Variants in MKLN1 observed in about 807,000 individuals in gnomAD.
MKLN1 encodes the protein muskelin 1, also known as muskelin.
A neutral mutation model predicts 99.0 loss-of-function variants in MKLN1; 18 were observed. That is an observed-to-expected ratio of 0.18 (90% CI 0.13 to 0.27). The LOEUF is 0.27. Among genes scored for constraint, MKLN1 ranks in the 10% least tolerant of loss-of-function variants. MKLN1 has a pLI of 1.00. For missense variants in MKLN1, 621 were observed against 875.9 expected (o/e 0.71, Z 3.67); for synonymous variants, 288 against 293.2 (o/e 0.98, Z 0.18).
intron 3 of MKLN1, among the ~76,000 whole-genome samples, chr7:131,272,631 GA>G (rs1797903439): frequency 6.6e-6 from 1 of 152,150 alleles, no homozygotes; most frequent in Non-Finnish European, 1.5e-5. Context: ...AGACTGGGAA[GA>G]AAAAGAGGTT....
intron 3 of MKLN1, among the ~76,000 whole-genome samples, chr7:131,304,155 C>T (rs1798420387): frequency 6.6e-6 from 1 of 152,166 alleles, no homozygotes; most frequent in African/African-American, 2.4e-5. Context: ...GGGAGGATCT[C>T]TTGAGGCCAG....
Position 131,132,983 on chromosome 7 carries a change from A to AAAGAAAGAAAGAAAG in MKLN1, c.-418-9836_-418-9835insAGAAAGAAAGAAAGA, listed in dbSNP as rs1554526897. Among the ~76,000 whole-genome samples, 120 of 137,266 alleles carry AAAGAAAGAAAGAAAG rather than the reference A, an allele frequency of 8.7e-4. 1 individual carries two copies. The highest frequency in any genetic ancestry group is 8.2e-4 in the Non-Finnish European group (52 of 63,426). 90.1% of individuals were successfully genotyped at this position (137,266 alleles called of 152,430 possible). ...AGAAAGAAAGAAAGAAAGAAAGAAA[A>AAAGAAAGAAAGAAAG]ACCAGAGCATGACTGTGCCTTGCAT... is the stretch of plus-strand genomic sequence containing the variant. On this transcript the variant is annotated intron_variant, in intron 1 of 7. Transcript: ENST00000416992.
At chr7:131,444,755 AGTAGAAGAAGTAGT>A (rs1795951841) in intron 11 of MKLN1, among the ~76,000 whole-genome samples, 9 of 79,356 alleles carry the variant, frequency 1.1e-4, no homozygotes, top group Non-Finnish European at 1.0e-4. Context: ...TAGTAGTAGT[AGTAGAAGAAGTAGT>A]AGTAGTAGTA....
At chr7:131,253,336 C>T (rs111757327) in intron 3 of MKLN1, among the ~76,000 whole-genome samples, 32 of 152,198 alleles carry the variant, frequency 2.1e-4, no homozygotes, top group African/African-American at 7.7e-4. Flanking sequence ...ACATTATCTC[C>T]CTGGGGAGGG....
intron 1 of MKLN1, among the ~76,000 whole-genome samples, chr7:131,351,008 C>T (rs539270113): frequency 3.3e-5 from 5 of 152,254 alleles, no homozygotes; most frequent in African/African-American, 1.2e-4. Context: ...TAAAAAATGT[C>T]TTTTTATAGT....
At chr7:131,355,288 C>T (rs1799839585) in intron 1 of MKLN1, among the ~76,000 whole-genome samples, 1 of 152,014 alleles carries the variant, frequency 6.6e-6, no homozygotes, top group Non-Finnish European at 1.5e-5. Flanking sequence ...TTTGTGTGAA[C>T]TGTATCAGCC....
intron 8 of MKLN1, among the ~76,000 whole-genome samples, chr7:131,417,133 T>C (rs1795043129): frequency 6.6e-6 from 1 of 152,186 alleles, no homozygotes; most frequent in Non-Finnish European, 1.5e-5. Flanking sequence ...AGTAATCTCT[T>C]TTTGATAGCT....
intron 2 of MKLN1, among the ~76,000 whole-genome samples, chr7:131,184,194 G>A (rs1408475389): frequency 2.0e-5 from 3 of 151,980 alleles, no homozygotes; most frequent in Non-Finnish European, 4.4e-5. Context: ...ATGATCACAG[G>A]CATGACTACA....
intron 3 of MKLN1, among the ~76,000 whole-genome samples, chr7:131,314,093 A>C (rs1798619137): frequency 2.0e-5 from 3 of 152,234 alleles, no homozygotes; most frequent in Admixed American, 2.0e-4. Flanking sequence ...CACTGTAAAC[A>C]ACTGCTGTCA....
chr7:131,460,434 A>G (rs2116596169), intron 12 of MKLN1, among the ~76,000 whole-genome samples: 1 of 152,378 alleles, frequency 6.6e-6, no homozygotes, highest in South Asian at 2.1e-4. Flanking sequence ...ATAAGTGCAC[A>G]GCACATACTG....
At chr7:131,273,094 G>C (rs2116561562) in intron 3 of MKLN1, among the ~76,000 whole-genome samples, 1 of 152,336 alleles carries the variant, frequency 6.6e-6, no homozygotes, top group Non-Finnish European at 1.5e-5. Flanking sequence ...TCCCAGAGAA[G>C]TTAAGTACCT....
chr7:131,270,534 T>C (rs1040196261), intron 3 of MKLN1, among the ~76,000 whole-genome samples: 5 of 152,352 alleles, frequency 3.3e-5, no homozygotes, highest in Non-Finnish European at 7.4e-5. Flanking sequence ...GGTGGTAACT[T>C]TTCACTGGTC....
chr7:131,356,235 T>TA (rs1258057948), intron 1 of MKLN1, among the ~76,000 whole-genome samples: 3 of 152,034 alleles, frequency 2.0e-5, no homozygotes, highest in African/African-American at 7.2e-5. Context: ...CCTGAGATCT[T>TA]ATTGAGAAGC....
intron 12 of MKLN1, among the ~76,000 whole-genome samples, chr7:131,454,532 G>A (rs183186494): frequency 6.6e-6 from 1 of 152,322 alleles, no homozygotes; most frequent in African/African-American, 2.4e-5. Context: ...AGAAGGATGT[G>A]GCAGACACTG....
chr7:131,256,151 CCA>C (rs1475934404), intron 3 of MKLN1, among the ~76,000 whole-genome samples: 1 of 152,016 alleles, frequency 6.6e-6, no homozygotes, highest in East Asian at 1.9e-4. Flanking sequence ...GGTGATCCAC[CCA>C]CCTCGGCCTC....
chr7:131,375,817 TTAAA>T (rs1370684841), intron 2 of MKLN1, among the ~76,000 whole-genome samples: 3 of 150,876 alleles, frequency 2.0e-5, no homozygotes, highest in African/African-American at 7.3e-5. Context: ...GAAAATAAAC[TTAAA>T]TAGTTTATTT....
intron 16 of MKLN1, among the ~76,000 whole-genome samples, chr7:131,474,622 G>A (rs1796915987): frequency 6.6e-6 from 1 of 152,092 alleles, no homozygotes; most frequent in Non-Finnish European, 1.5e-5. Flanking sequence ...TAGAAAAGAG[G>A]AACAAATTCA....
At chr7:131,328,172 G>A (rs1647056) in intron 1 of MKLN1, 175 bp downstream of exon 1, 1 of 800,802 alleles carries the variant, frequency 1.2e-6, no homozygotes, top group Non-Finnish European at 1.9e-6. Flanking sequence ...CCTCGCTCGG[G>A]AAGGGGTTAG....
At chr7:131,319,863 C>T (rs781280034) in intron 3 of MKLN1, among the ~76,000 whole-genome samples, 14 of 152,122 alleles carry the variant, frequency 9.2e-5, no homozygotes, top group Non-Finnish European at 8.8e-5. Context: ...CCTAGGAATA[C>T]AGTTTTCAAG....
Sources: gnomAD v4.1 joint callset for allele counts (sites outside exome capture counted in the v4.1 genomes callset) on GRCh38, gnomAD v4.1.1 for gene constraint, MANE v1.5 for transcripts, NCBI Gene and HGNC (gene_info 2026-07-23, HGNC 2026-07-21) for gene names.